The following PIK3CD variants were observed in gnomAD, a reference collection of about 807,000 sequenced individuals.
PIK3CD encodes phosphatidylinositol 4,5-bisphosphate 3-kinase catalytic subunit delta isoform.
PIK3CD carries 20 observed loss-of-function variants against 122.9 expected under a neutral mutation model. The ratio of observed to expected loss-of-function variants is 0.16; its 90% confidence interval spans 0.11 to 0.24. The LOEUF is 0.24. Ranked by LOEUF, PIK3CD falls within the 10% of genes least tolerant of loss-of-function variation. The pLI is 1.00. For synonymous variants in PIK3CD, 596 were observed against 593.4 expected (o/e 1.00, Z -0.06); for missense variants, 787 against 1,406.3 (o/e 0.56, Z 7.04).
At chr1:9,632,445 C>T in the PIK3CD span, among the ~76,000 whole-genome samples, 1 of 152,192 alleles carries the variant, frequency 6.6e-6, no homozygotes, top group Non-Finnish European at 1.5e-5. Context: ...CCACCTCAGC[C>T]TCCCAAGTAA....
At chr1:9,657,046 G>A (rs1211376478) in intron 1 of PIK3CD, among the ~76,000 whole-genome samples, 2 of 152,074 alleles carry the variant, frequency 1.3e-5, no homozygotes, top group Non-Finnish European at 1.5e-5. Flanking sequence ...GCTGTAGGGG[G>A]AGAATCCTGC....
At chr1:9,716,731 T>C in intron 6 of PIK3CD, 112 bp downstream of exon 6, 1 of 1,257,810 alleles carries the variant, frequency 8.0e-7, no homozygotes, top group Non-Finnish European at 1.1e-6. Flanking sequence ...GAGCCAGGCC[T>C]TTGGGTCACC....
chr1:9,676,606 C>T (rs1201933207), intron 1 of PIK3CD, among the ~76,000 whole-genome samples: 2 of 152,192 alleles, frequency 1.3e-5, no homozygotes, highest in East Asian at 1.9e-4. Context: ...CTTGAGCTGG[C>T]AGTTGATACC....
At chr1:9,711,571 T>A (rs2100785083) in intron 3 of PIK3CD, among the ~76,000 whole-genome samples, 1 of 152,192 alleles carries the variant, frequency 6.6e-6, no homozygotes, top group East Asian at 1.9e-4. Context: ...TATTCATGAC[T>A]GTGTCATCAT....
chr1:9,639,889 T>C, the PIK3CD span, among the ~76,000 whole-genome samples: 6 of 152,008 alleles, frequency 3.9e-5, no homozygotes, highest in Admixed American at 1.3e-4. Flanking sequence ...ACCAGTATGC[T>C]TGGCTAATTT....
At chr1:9,690,246 G>C (rs1004138361) in intron 1 of PIK3CD, among the ~76,000 whole-genome samples, 1 of 152,194 alleles carries the variant, frequency 6.6e-6, no homozygotes, top group Admixed American at 6.5e-5. Context: ...CCTCCCCGGG[G>C]GAGCGCCTTC....
At chr1:9,641,844 G>A in the PIK3CD span, among the ~76,000 whole-genome samples, 1 of 152,188 alleles carries the variant, frequency 6.6e-6, no homozygotes, top group African/African-American at 2.4e-5. Context: ...TTGCAAGTCA[G>A]ACTTTCTAGG....
chr1:9,723,112 C>T lies in PIK3CD; in HGVS notation c.2427-13C>T. The T allele has an allele frequency of 6.2e-7, 1 of 1,613,002 alleles. No individual in the cohort carries two copies. The highest frequency in any genetic ancestry group is 8.5e-7 in the Non-Finnish European group (1 of 1,179,722). On this transcript the variant is annotated splice_polypyrimidine_tract_variant and intron_variant, in intron 19 of 23. Coordinates refer to ENST00000377346, the MANE Select transcript of PIK3CD (RefSeq NM_005026.5). The surrounding 1 kb of genome is among the most constrained non-coding windows in gnomAD (Gnocchi z 4.9). ...ACCATGCCATTTGCCCGTCCCTCTT[C>T]CCCCTTGCCTAGGATGACCCCCTAT...
At chr1:9,647,906 TAC>T (rs1401863865), upstream of PIK3CD, among the ~76,000 whole-genome samples, 1 of 152,204 alleles carries the variant, frequency 6.6e-6, no homozygotes, top group African/African-American at 2.4e-5. Flanking sequence ...CTTAATTGGT[TAC>T]AGTGTTTGCT....
chr1:9,684,593 A>C (rs1217193116), intron 1 of PIK3CD, among the ~76,000 whole-genome samples: 2 of 151,100 alleles, frequency 1.3e-5, no homozygotes, highest in East Asian at 3.9e-4. Flanking sequence ...GATGGCTCAC[A>C]TCTGTAATCC....
chr1:9,629,992 C>A, the PIK3CD span, among the ~76,000 whole-genome samples: 9 of 152,340 alleles, frequency 5.9e-5, no homozygotes, highest in African/African-American at 2.2e-4. Context: ...CAGGACACCA[C>A]GAGGTTGGGA....
rs1014642118 is a variant in PIK3CD, at chr1:9,717,162, G to A, written c.930+54G>A. 2.1e-5 allele frequency: 34 copies of A among 1,605,690 alleles called. No homozygotes were observed. The highest frequency in any genetic ancestry group is 1.1e-4 in the African/African-American group (8 of 74,780). On this transcript the variant is annotated intron_variant, in intron 7 of 23. Transcript: ENST00000377346. The surrounding 1 kb of genome is among the most constrained non-coding windows in gnomAD (Gnocchi z 5.4). ...GAGCCACCCCTTCTTTCCACCTGGC[G>A]TCCAACTCCATGTGCTACTGGCCAT...
Position 9,718,979 on chromosome 1 carries a change from G to T in PIK3CD, c.1242+64G>T. On this transcript the variant is annotated intron_variant, in intron 9 of 23. Coordinates refer to ENST00000377346, the MANE Select transcript of PIK3CD (RefSeq NM_005026.5). This position sits in a 1 kb window ranked among gnomAD's most constrained non-coding sequence, Gnocchi z 7.2. The stretch of plus-strand genomic sequence containing the variant: ...GAGAGCCAGTACAGCCCCTTGCTGG[G>T]CCACTCACCACTCTCCTCCCGGCAA... 2 of 1,464,000 alleles carry T rather than the reference G, an allele frequency of 1.4e-6. No homozygotes were observed. The highest frequency in any genetic ancestry group is 1.1e-5 in the South Asian group (1 of 86,972). 90.7% of individuals were successfully genotyped at this position (1,464,000 alleles called of 1,614,324 possible).
Position 9,718,088 on chromosome 1 carries a change from T to G in PIK3CD, c.1020+462T>G. The stretch of plus-strand genomic sequence containing the variant: ...GTTGTCTCTTAACACTTTCACACGC[T>G]CCATCGCAACAGCCTGCAGTCATGG... On this transcript the variant is annotated intron_variant, in intron 8 of 23. Coordinates refer to ENST00000377346, the MANE Select transcript of PIK3CD (RefSeq NM_005026.5). The surrounding 1 kb of genome is among the most constrained non-coding windows in gnomAD (Gnocchi z 7.2). 2.1e-6 allele frequency: 1 copy of G among 467,556 alleles called. No homozygotes were observed. The highest frequency in any genetic ancestry group is 4.3e-6 in the Non-Finnish European group (1 of 234,848). 29.0% of individuals were successfully genotyped at this position (467,556 alleles called of 1,614,324 possible).
In PIK3CD at chr1:9,719,823, G is replaced by A; in HGVS notation, c.1243-98G>A. On this transcript the variant is annotated intron_variant, in intron 9 of 23. Transcript: ENST00000377346. This position sits in a 1 kb window ranked among gnomAD's most constrained non-coding sequence, Gnocchi z 5.5. ...GGTCTGGTTGGGAGATGTTAGCTGG[G>A]CTCTGGGTCTTCTCGGGTGGGGTGC... 2.1e-6 allele frequency: 2 copies of A among 961,172 alleles called. No homozygotes were observed. The highest frequency in any genetic ancestry group is 1.7e-6 in the Non-Finnish European group (1 of 585,786). 59.5% of individuals were successfully genotyped at this position (961,172 alleles called of 1,614,324 possible). A position where few individuals can be genotyped will look rare whatever the true frequency, so the allele number is the denominator to read the frequency against.
At chr1:9,665,532 C>T (rs1183836191) in intron 1 of PIK3CD, among the ~76,000 whole-genome samples, 2 of 151,832 alleles carry the variant, frequency 1.3e-5, no homozygotes, top group African/African-American at 4.8e-5. Flanking sequence ...TACATGCCGG[C>T]ACTGCAGCTT....
In PIK3CD at chr1:9,717,224, T is replaced by G; in HGVS notation, c.930+116T>G. 1 of 1,344,538 alleles carries G rather than the reference T, an allele frequency of 7.4e-7. No homozygotes were observed. Among genetic ancestry groups the G allele is most frequent in the Non-Finnish European group, 1.1e-6 (1 of 951,008 alleles). 83.3% of individuals were successfully genotyped at this position (1,344,538 alleles called of 1,614,324 possible). A position where few individuals can be genotyped will look rare whatever the true frequency, so the allele number is the denominator to read the frequency against. ...CCCTTGGTATGGAGAGCTGGGGCTT[T>G]GAGCTGGGGAAGCCAACACAGCTGA... On this transcript the variant is annotated intron_variant, in intron 7 of 23. Transcript: ENST00000377346. This position sits in a 1 kb window ranked among gnomAD's most constrained non-coding sequence, Gnocchi z 5.4.
chr1:9,723,345 T>C lies in PIK3CD; in HGVS notation c.2594+53T>C. 1 of 1,574,460 alleles carries C rather than the reference T, an allele frequency of 6.4e-7. No homozygotes were observed. The highest frequency in any genetic ancestry group is 8.7e-7 in the Non-Finnish European group (1 of 1,144,654). ...CCTCTCCTTTCCAAGAGGTGTGGAG[T>C]GGGAGGGCCTCGCCTGTCAGAACAA... On this transcript the variant is annotated intron_variant, in intron 20 of 23. Coordinates refer to ENST00000377346, the MANE Select transcript of PIK3CD (RefSeq NM_005026.5). The surrounding 1 kb of genome is among the most constrained non-coding windows in gnomAD (Gnocchi z 4.9).
In PIK3CD at chr1:9,716,076, G is replaced by A. The variant is rs141200414; in HGVS notation, c.598G>A (p.Glu200Lys). 405 of 1,611,342 alleles carry A rather than the reference G, an allele frequency of 2.5e-4. No homozygotes were observed. The highest frequency in any genetic ancestry group is 5.0e-4 in the Admixed American group (30 of 59,882). Reference protein sequence around the residue: ...LLVNVKFEGSEESFTFQVSTK... With the variant: ...LLVNVKFEGSKESFTFQVSTK... Reference sequence around the variant, plus strand: ...GGTCAACGTTAAGTTTGAGGGCAGCGAGGTGAGCCCATGCGTGGCCTGCGG... The same window carrying A: ...GGTCAACGTTAAGTTTGAGGGCAGCAAGGTGAGCCCATGCGTGGCCTGCGG... Residue 200 changes from glutamate (E) to lysine (K), a missense_variant and splice_region_variant, in exon 5 of 24, where the codon GAG becomes AAG. Transcript: ENST00000377346.
Sources: gnomAD v4.1 joint callset for allele counts (sites outside exome capture counted in the v4.1 genomes callset) on GRCh38, gnomAD v4.1.1 for gene constraint, Gnocchi (gnomAD v3.1) non-coding constraint, MANE v1.5 for transcripts, NCBI Gene and HGNC (gene_info 2026-07-23, HGNC 2026-07-21) for gene names.